LARGE1: variants seen among roughly 807,000 people sequenced by gnomAD.
LARGE1 encodes xylosyl- and glucuronyltransferase LARGE1.
Under a neutral mutation model 87.6 loss-of-function variants are expected in LARGE1, and 43 were observed. The ratio of observed to expected loss-of-function variants is 0.49; its 90% confidence interval spans 0.38 to 0.63. The LOEUF is 0.63. LARGE1 is among the 30% of genes least tolerant of loss of function. LARGE1 has a pLI of 0.00. For missense variants in LARGE1, 802 were observed against 1,000.2 expected, an observed-to-expected ratio of 0.80 and a Z score of 2.67; for synonymous variants, 434 against 394.6, an observed-to-expected ratio of 1.10 and a Z score of -1.18.
At chr22:33,727,619 G>C (rs2083310350) in intron 2 of LARGE1, 1 of 152,136 alleles carries the variant, frequency 6.6e-6, no homozygotes, top group African/African-American at 2.4e-5. Context: ...ATTTGCTTGA[G>C]GAAGAATACA....
chr22:33,573,218 C>G lies in LARGE1; in HGVS notation c.616-8199G>C, dbSNP rs574325211. On this transcript the variant is annotated intron_variant, in intron 5 of 14. Coordinates refer to ENST00000397394, the MANE Select transcript of LARGE1 (RefSeq NM_133642.5). ...CTTTGGTAGGCCGAGGCGGATGGAC[C>G]ACCTGAGGTCAGGAGTTCAAGACCA... is the stretch of plus-strand genomic sequence containing the variant. Among the ~76,000 whole-genome samples, 13 of 152,256 alleles carry G rather than the reference C, an allele frequency of 8.5e-5. No individual in the cohort carries two copies. The South Asian group carries it at 2.7e-3, about 32-fold the overall frequency.
intron 1 of LARGE1, among the ~76,000 whole-genome samples, chr22:33,845,431 C>A (rs1409284648): frequency 6.6e-6 from 1 of 152,108 alleles, no homozygotes; most frequent in Non-Finnish European, 1.5e-5. Context: ...GCCTAAGCCT[C>A]CTGAGTAGCT....
chr22:33,660,070 T>TTGTGTG (rs1160067357), intron 2 of LARGE1, among the ~76,000 whole-genome samples: 74 of 141,154 alleles, frequency 5.2e-4, no homozygotes, highest in African/African-American at 1.8e-3. Flanking sequence ...AAATGTTTTG[T>TTGTGTG]TGTGTGTGTG....
intron 11 of LARGE1, among the ~76,000 whole-genome samples, chr22:33,229,979 GACATTTTCAA>G (rs889216220): frequency 1.4e-5 from 2 of 144,824 alleles, no homozygotes; most frequent in African/African-American, 5.0e-5. Context: ...ACTATGGAGT[GACATTTTCAA>G]ACATTTTCAA....
chr22:33,600,800 A>G (rs2079093921), intron 5 of LARGE1, among the ~76,000 whole-genome samples: 1 of 152,134 alleles, frequency 6.6e-6, no homozygotes, highest in Non-Finnish European at 1.5e-5. Context: ...TAATCCCAGC[A>G]CTTTGGGAGA....
intron 9 of LARGE1, among the ~76,000 whole-genome samples, chr22:33,357,691 G>A (rs546717357): frequency 2.0e-5 from 3 of 152,286 alleles, no homozygotes; most frequent in Admixed American, 2.0e-4. Flanking sequence ...CTACTTGGGA[G>A]GCTGAGGAAG....
rs1025665680 is a variant in LARGE1, at chr22:33,272,564, T to C, written c.*1863A>G. On this transcript the variant is annotated 3_prime_UTR_variant, in exon 15 of 15. Transcript: ENST00000397394. ...TATGTCACTTTTTATTTATAAATGC[T>C]TTGTATATAGGCTATATACTTGTAT... 2.6e-5 allele frequency among the ~76,000 whole-genome samples: 4 copies of C among 152,252 alleles called. No homozygotes were observed. Among genetic ancestry groups the C allele is most frequent in the Non-Finnish European group, 4.4e-5 (3 of 68,046 alleles).
At chr22:33,200,288 C>G (rs987639963) in intron 11 of LARGE1, among the ~76,000 whole-genome samples, 2 of 152,106 alleles carry the variant, frequency 1.3e-5, no homozygotes, top group Admixed American at 1.3e-4. Flanking sequence ...CTATAAATCA[C>G]AATGAGATAT....
chr22:33,668,506 C>G (rs1326965620), intron 2 of LARGE1, among the ~76,000 whole-genome samples: 1 of 152,236 alleles, frequency 6.6e-6, no homozygotes, highest in Non-Finnish European at 1.5e-5. Context: ...GGTTAAGTCA[C>G]TTTCCCTGTA....
chr22:33,157,721 C>G (rs1329480681), downstream of LARGE1, among the ~76,000 whole-genome samples: 1 of 152,154 alleles, frequency 6.6e-6, no homozygotes, highest in African/African-American at 2.4e-5. Context: ...TCATGATACC[C>G]TTCTTTTAGT....
At chr22:33,821,183 T>A (rs2146256718) in intron 1 of LARGE1, among the ~76,000 whole-genome samples, 1 of 152,256 alleles carries the variant, frequency 6.6e-6, no homozygotes, top group East Asian at 1.9e-4. Flanking sequence ...AGAGAGGGCA[T>A]TAGGAGAATC....
the LARGE1 span, among the ~76,000 whole-genome samples, chr22:33,132,947 G>A: frequency 6.6e-6 from 1 of 152,190 alleles, no homozygotes; most frequent in Non-Finnish European, 1.5e-5. Flanking sequence ...AAGGTAGGAA[G>A]CAGAAGCTTC....
chr22:33,226,286 G>A (rs1925727924), intron 11 of LARGE1, among the ~76,000 whole-genome samples: 1 of 152,292 alleles, frequency 6.6e-6, no homozygotes, highest in African/African-American at 2.4e-5. Context: ...AGCCTCTCAG[G>A]GCCACTTTGC....
chr22:33,315,133 C>T (rs12106538), intron 11 of LARGE1, among the ~76,000 whole-genome samples: 5,065 of 152,204 alleles, frequency 0.033, 277 homozygotes, highest in African/African-American at 0.11. Context: ...GGTGTGAACC[C>T]GGGAGGCGTG....
intron 2 of LARGE1, among the ~76,000 whole-genome samples, chr22:33,661,618 T>C (rs16992743): frequency 0.082 from 12,428 of 152,090 alleles, 1,636 homozygotes; most frequent in African/African-American, 0.28. Context: ...TATTTGAGGA[T>C]GCCAGACAAA....
At position 33,298,142 on chromosome 22, in the gene LARGE1, G is replaced by A. The variant is rs141218015; in HGVS notation, c.1730+6087C>T. Among the ~76,000 whole-genome samples, 45 of 152,282 alleles carry A rather than the reference G, an allele frequency of 3.0e-4. 1 individual carries two copies. The highest frequency in any genetic ancestry group is 2.5e-3 in the East Asian group (13 of 5,180). ...ACGTCTTCCTCTCTCCTCATTTAGA[G>A]ACCTTCAGTGTGCACCCACATTGGG... is the stretch of plus-strand genomic sequence containing the variant. On this transcript the variant is annotated intron_variant, in intron 12 of 14. Transcript: ENST00000397394.
intron 5 of LARGE1, among the ~76,000 whole-genome samples, chr22:33,581,210 C>A (rs2078509420): frequency 6.6e-6 from 1 of 152,100 alleles, no homozygotes; most frequent in African/African-American, 2.4e-5. Flanking sequence ...TAAAATTTGC[C>A]CCTTCTGACC....
intron 11 of LARGE1, among the ~76,000 whole-genome samples, chr22:33,255,639 T>A (rs1178831857): frequency 6.6e-6 from 1 of 152,264 alleles, no homozygotes; most frequent in Non-Finnish European, 1.5e-5. Flanking sequence ...TTAGGTTTTT[T>A]AATTTGTCCC....
intron 13 of LARGE1, among the ~76,000 whole-genome samples, chr22:33,281,142 G>C (rs1930364650): frequency 6.6e-6 from 1 of 152,154 alleles, no homozygotes. Flanking sequence ...CATGATGGCT[G>C]GCAAGCTGCT....
Sources: gnomAD v4.1 joint callset for allele counts (sites outside exome capture counted in the v4.1 genomes callset) on GRCh38, gnomAD v4.1.1 for gene constraint, MANE v1.5 for transcripts, NCBI Gene and HGNC (gene_info 2026-07-23, HGNC 2026-07-21) for gene names.